Variants in CDH8 observed in about 807,000 individuals in gnomAD.
The protein encoded by CDH8 is cadherin-8.
CDH8 carries 17 observed loss-of-function variants against 68.1 expected under a neutral mutation model. The observed-to-expected ratio is 0.25, with a 90% CI of 0.17 to 0.37. The LOEUF is 0.37. Ranked by LOEUF, CDH8 falls within the 10% of genes least tolerant of loss-of-function variation. CDH8 has a pLI of 1.00. For missense variants in CDH8, 763 were observed against 999.3 expected (o/e 0.76, Z 3.19); for synonymous variants, 372 against 365.1 (o/e 1.02, Z -0.21).
intron 2 of CDH8, among the ~76,000 whole-genome samples, chr16:61,936,676 G>C (rs1382340190): frequency 6.6e-6 from 1 of 152,044 alleles, no homozygotes; most frequent in African/African-American, 2.4e-5. Context: ...TTGCTGAATG[G>C]GATATGCAAG....
chr16:61,910,763 C>A (rs1361799818), intron 2 of CDH8, among the ~76,000 whole-genome samples: 1 of 152,040 alleles, frequency 6.6e-6, no homozygotes, highest in Non-Finnish European at 1.5e-5. Context: ...GATGAGTCTG[C>A]CCAATCTGGA....
chr16:61,652,054 A>T lies in CDH8; in HGVS notation c.*1554T>A. On this transcript the variant is annotated 3_prime_UTR_variant, in exon 12 of 12. Coordinates refer to ENST00000577390, the MANE Select transcript of CDH8 (RefSeq NM_001796.5). ...TTCACAAAGTAGGAAACAATACAGG[A>T]GTTTCTCTGAATACAATACATGGAG... 1.1e-6 allele frequency: 1 copy of T among 874,740 alleles called. No homozygotes were observed. The highest frequency in any genetic ancestry group is 1.8e-5 in the African/African-American group (1 of 55,028). 54.2% of individuals were successfully genotyped at this position (874,740 alleles called of 1,614,324 possible).
chr16:61,721,200 G>A (rs1959214426), intron 9 of CDH8, among the ~76,000 whole-genome samples: 1 of 150,724 alleles, frequency 6.6e-6, no homozygotes, highest in Non-Finnish European at 1.5e-5. Context: ...AATGTGTTTT[G>A]CTACATGTGG....
At chr16:61,848,718 C>T (rs1263959266) in intron 4 of CDH8, among the ~76,000 whole-genome samples, 3 of 151,968 alleles carry the variant, frequency 2.0e-5, no homozygotes, top group African/African-American at 4.8e-5. Context: ...ATATATTGAG[C>T]GGACACCTAT....
At position 61,885,042 on chromosome 16, in the gene CDH8, T is replaced by C. The variant is rs566835267; in HGVS notation, c.547+16137A>G. 4.6e-5 allele frequency among the ~76,000 whole-genome samples: 7 copies of C among 152,348 alleles called. 1 individual carries two copies. In the South Asian group the frequency reaches 1.4e-3, roughly 32 times the overall value. ...ACGAATATAAGAATGAATATATTCA[T>C]TGATTCATTTAAATGTCCTGTAATT... On this transcript the variant is annotated intron_variant, in intron 3 of 11. Coordinates refer to ENST00000577390, the MANE Select transcript of CDH8 (RefSeq NM_001796.5).
chr16:61,918,193 T>G (rs978847361), intron 2 of CDH8: 2 of 152,114 alleles, frequency 1.3e-5, no homozygotes, highest in East Asian at 1.9e-4. Context: ...CTCAGCCCTA[T>G]GTACTTATAT....
intron 3 of CDH8, among the ~76,000 whole-genome samples, chr16:61,872,279 C>G (rs1963384038): frequency 6.6e-6 from 1 of 152,166 alleles, no homozygotes; most frequent in Admixed American, 6.6e-5. Flanking sequence ...AAGGTCCCAA[C>G]CATGACACAG....
At chr16:61,905,521 TCA>T (rs1182175017) in intron 2 of CDH8, among the ~76,000 whole-genome samples, 1 of 152,146 alleles carries the variant, frequency 6.6e-6, no homozygotes, top group African/African-American at 2.4e-5. Context: ...AATGTTATAT[TCA>T]CAGCAAACTA....
chr16:61,716,909 G>T (rs560178458), intron 9 of CDH8, among the ~76,000 whole-genome samples: 9 of 151,614 alleles, frequency 5.9e-5, no homozygotes, highest in Non-Finnish European at 1.0e-4. Flanking sequence ...AATAACTTTT[G>T]AATGCACTTA....
chr16:61,862,144 C>T (rs911618950), intron 3 of CDH8, among the ~76,000 whole-genome samples: 18 of 150,512 alleles, frequency 1.2e-4, no homozygotes, highest in Non-Finnish European at 1.6e-4. Flanking sequence ...CTCACACACA[C>T]ACACACACAC....
chr16:61,665,999 C>T (rs1963668915), intron 10 of CDH8, among the ~76,000 whole-genome samples: 1 of 151,794 alleles, frequency 6.6e-6, no homozygotes, highest in Non-Finnish European at 1.5e-5. Flanking sequence ...ATAAACAATT[C>T]ATAAATTTTA....
intron 2 of CDH8, among the ~76,000 whole-genome samples, chr16:61,974,772 C>G (rs1302057385): frequency 6.6e-6 from 1 of 152,104 alleles, no homozygotes; most frequent in Admixed American, 6.6e-5. Flanking sequence ...TAATACCCAG[C>G]AGATCTGAGA....
intron 2 of CDH8, among the ~76,000 whole-genome samples, chr16:61,989,566 T>A (rs1965682989): frequency 6.6e-6 from 1 of 152,200 alleles, no homozygotes; most frequent in Non-Finnish European, 1.5e-5. Context: ...GGAACATGTT[T>A]TTCAGATACT....
Position 61,904,403 on chromosome 16 carries a change from A to G in CDH8, c.253-2930T>C, listed in dbSNP as rs544795398. Among the ~76,000 whole-genome samples the G allele has an allele frequency of 3.9e-5, 6 of 152,238 alleles. No homozygotes were observed. The South Asian group carries it at 1.2e-3, about 32-fold the overall frequency. On this transcript the variant is annotated intron_variant, in intron 2 of 11. Coordinates refer to ENST00000577390, the MANE Select transcript of CDH8 (RefSeq NM_001796.5). The stretch of plus-strand genomic sequence containing the variant: ...GAGATTATGGCGCCAAAGATATCCC[A>G]AATGCACTGAATGTTCACATATGTG...
chr16:61,670,387 A>G (rs915121730), intron 10 of CDH8, among the ~76,000 whole-genome samples: 2 of 152,080 alleles, frequency 1.3e-5, no homozygotes, highest in African/African-American at 4.8e-5. Flanking sequence ...ATAAATGAAT[A>G]TGAGAGGGTG....
chr16:62,009,720 C>A (rs1901760965), intron 2 of CDH8, among the ~76,000 whole-genome samples: 1 of 152,134 alleles, frequency 6.6e-6, no homozygotes. Flanking sequence ...CAGGCAAAAC[C>A]AGAATCATTA....
At chr16:61,863,554 C>A (rs1006452569) in intron 3 of CDH8, among the ~76,000 whole-genome samples, 3 of 152,074 alleles carry the variant, frequency 2.0e-5, no homozygotes, top group African/African-American at 7.2e-5. Context: ...GGTGCTGACA[C>A]CCTGATCAGG....
chr16:61,749,347 T>C (rs749151609), intron 8 of CDH8, among the ~76,000 whole-genome samples: 10 of 152,196 alleles, frequency 6.6e-5, no homozygotes, highest in Non-Finnish European at 1.5e-4. Flanking sequence ...GGCTTAATAC[T>C]TCCTATATTT....
At chr16:62,035,291 G>T (rs1799868620) in intron 1 of CDH8, among the ~76,000 whole-genome samples, 2 of 152,184 alleles carry the variant, frequency 1.3e-5, no homozygotes, top group South Asian at 2.1e-4. Context: ...GAAAGCGCAG[G>T]TCTGGGCTCA....
Sources: allele counts gnomAD v4.1 joint callset (sites outside exome capture counted in the v4.1 genomes callset), GRCh38; gene constraint gnomAD v4.1.1; transcripts MANE v1.5; gene names NCBI Gene and HGNC (gene_info 2026-07-23, HGNC 2026-07-21).